Variants in SIM1 observed in about 807,000 individuals in gnomAD.
SIM1 encodes SIM bHLH transcription factor 1.
SIM1 carries 18 observed loss-of-function variants against 78.2 expected under a neutral mutation model. The ratio of observed to expected loss-of-function variants is 0.23; its 90% CI spans 0.16 to 0.34. The LOEUF is 0.34. Among genes scored for constraint, SIM1 ranks in the 10% least tolerant of loss-of-function variants. SIM1 has a pLI of 1.00. For synonymous variants in SIM1, 417 were observed against 385.2 expected (o/e 1.08, Z -0.97); for missense variants, 939 against 975.1 (o/e 0.96, Z 0.49).
At chr6:100,410,478 C>A (rs930280612) in intron 10 of SIM1, among the ~76,000 whole-genome samples, 1 of 152,156 alleles carries the variant, frequency 6.6e-6, no homozygotes, top group African/African-American at 2.4e-5. Context: ...ACATGCTGAA[C>A]ATAAATTATG....
rs78128642 is a variant in SIM1, at chr6:100,435,798, T to C, written c.998+11470A>G. On this transcript the variant is annotated intron_variant, in intron 9 of 11. Transcript: ENST00000369208. ...TCCTATCAGAACTCAAACCCCAAAA[T>C]TTTGAAAAATCCCATCTGCAGCAGG... 2.6e-5 allele frequency among the ~76,000 whole-genome samples: 4 copies of C among 152,134 alleles called. No individual in the cohort carries two copies. The East Asian group carries it at 7.7e-4, about 29-fold the overall frequency.
chr6:100,420,100 C>G (rs80037343), intron 10 of SIM1, among the ~76,000 whole-genome samples: 136 of 152,262 alleles, frequency 8.9e-4, no homozygotes, highest in African/African-American at 3.1e-3. Context: ...TTCCTTCAGG[C>G]CAGGAGAGCT....
At chr6:100,418,347 A>G (rs1206674248) in intron 10 of SIM1, among the ~76,000 whole-genome samples, 1 of 130,850 alleles carries the variant, frequency 7.6e-6, no homozygotes, top group Non-Finnish European at 1.6e-5. Flanking sequence ...GCAGACTGAG[A>G]CCCTGTCTCC....
intron 10 of SIM1, among the ~76,000 whole-genome samples, chr6:100,418,090 G>T (rs1771452155): frequency 6.6e-6 from 1 of 152,112 alleles, no homozygotes; most frequent in Non-Finnish European, 1.5e-5. Context: ...AATGAAAAAT[G>T]GGCACTTGGG....
At chr6:100,412,742 AG>A (rs1340156406) in intron 10 of SIM1, among the ~76,000 whole-genome samples, 2,255 of 141,706 alleles carry the variant, frequency 0.016, 40 homozygotes, top group Middle Eastern at 0.034. Context: ...AAAGAAAGAA[AG>A]AAAGAAAGAA....
chr6:100,427,741 G>GCCTT (rs1375356571), intron 9 of SIM1, among the ~76,000 whole-genome samples: 10 of 152,050 alleles, frequency 6.6e-5, no homozygotes, highest in Non-Finnish European at 1.5e-4. Flanking sequence ...ACCCCTCCAG[G>GCCTT]CCACAGTGAT....
intron 11 of SIM1, 136 bp downstream of exon 11, chr6:100,393,351 T>G: frequency 1.3e-6 from 1 of 763,128 alleles, no homozygotes; most frequent in Non-Finnish European, 1.9e-6. Flanking sequence ...TGAGTGAACT[T>G]TGTTTTTAAT....
Position 100,442,067 on chromosome 6 carries a change from A to G in SIM1, c.998+5201T>C, listed in dbSNP as rs572615710. ...CTCAGTTTCCACACCTAAAAATACA[A>G]AAAGCAATCTCCGACCCAACCACTG... On this transcript the variant is annotated intron_variant, in intron 9 of 11. Coordinates refer to ENST00000369208, the MANE Select transcript of SIM1 (RefSeq NM_005068.3). Among the ~76,000 whole-genome samples, 114 of 152,318 alleles carry G rather than the reference A, an allele frequency of 7.5e-4. 1 individual carries two copies. The highest frequency in any genetic ancestry group is 2.6e-3 in the African/African-American group (108 of 41,576).
intron 2 of SIM1, among the ~76,000 whole-genome samples, chr6:100,457,996 GTCTCTC>G (rs1270878905): frequency 2.8e-5 from 3 of 107,728 alleles, no homozygotes; most frequent in African/African-American, 1.0e-4. Flanking sequence ...ACCGCTGTCT[GTCTCTC>G]TCTTTCTCTC....
chr6:100,405,738 C>CA (rs1404274635), intron 10 of SIM1, among the ~76,000 whole-genome samples: 7 of 152,018 alleles, frequency 4.6e-5, no homozygotes, highest in Admixed American at 1.3e-4. Context: ...CCCCACCCCC[C>CA]AAAAAAAGTT....
Position 100,448,469 on chromosome 6 carries a change from G to C in SIM1, c.743+10C>G, listed in dbSNP as rs886060897. The C allele has an allele frequency of 6.2e-7, 1 of 1,612,782 alleles. No individual in the cohort carries two copies. The highest frequency in any genetic ancestry group is 8.5e-7 in the Non-Finnish European group (1 of 1,179,516). On this transcript the variant is annotated intron_variant, in intron 7 of 11. Transcript: ENST00000369208. ...GCTAGGAGAGGCCCTTTCCGGCCCTGCCCACCCACCTGGAGTCCAGAAAGA... is the reference window on the plus strand; with the variant it reads ...GCTAGGAGAGGCCCTTTCCGGCCCTCCCCACCCACCTGGAGTCCAGAAAGA...
intron 10 of SIM1, among the ~76,000 whole-genome samples, chr6:100,420,141 A>G (rs1771534301): frequency 6.6e-6 from 1 of 152,146 alleles, no homozygotes; most frequent in Non-Finnish European, 1.5e-5. Flanking sequence ...TCTAGTTTAT[A>G]TGTCTGTGAC....
At chr6:100,418,336 A>G (rs879355794) in intron 10 of SIM1, among the ~76,000 whole-genome samples, 1 of 147,596 alleles carries the variant, frequency 6.8e-6, no homozygotes, top group African/African-American at 2.5e-5. Flanking sequence ...CAGCCTGGGC[A>G]GCAGACTGAG....
At chr6:100,437,807 C>T (rs1221750804) in intron 9 of SIM1, among the ~76,000 whole-genome samples, 1 of 152,026 alleles carries the variant, frequency 6.6e-6, no homozygotes, top group Non-Finnish European at 1.5e-5. Flanking sequence ...ATACAAAGAG[C>T]ACAAAGCTTG....
At chr6:100,412,000 C>T (rs1771202772) in intron 10 of SIM1, among the ~76,000 whole-genome samples, 1 of 151,958 alleles carries the variant, frequency 6.6e-6, no homozygotes, top group Non-Finnish European at 1.5e-5. Flanking sequence ...AGAGAGAATG[C>T]GGGGAAGGTT....
chr6:100,390,621 C>A lies in SIM1; in HGVS notation c.2041G>T (p.Asp681Tyr), dbSNP rs909247348. Residue 681 changes from aspartate to tyrosine, a missense_variant, in exon 12 of 12, where the codon GAT becomes TAT. Physicochemically the swap from Asp to Tyr is radical, Grantham distance 160. Around this residue, in one of 5 missense-constraint regions of SIM1, gnomAD observed 556 missense variants for 521.9 expected, o/e 1.07. Coordinates refer to ENST00000369208, the MANE Select transcript of SIM1 (RefSeq NM_005068.3). ...LILAKDYLHS[D>Y]ISPHQTAGDH... ...CCTGCTGTCTGATGAGGAGATATAT[C>A]CGAATGCAGATAGTCTTTAGCTAGG... 1.2e-6 allele frequency: 2 copies of A among 1,614,128 alleles called. No homozygotes were observed. The highest frequency in any genetic ancestry group is 1.7e-6 in the Non-Finnish European group (2 of 1,180,024).
intron 9 of SIM1, among the ~76,000 whole-genome samples, chr6:100,429,691 TA>T (rs1232959616): frequency 6.6e-6 from 1 of 152,200 alleles, no homozygotes; most frequent in Non-Finnish European, 1.5e-5. Context: ...TGCATTACCT[TA>T]ATTTTTTCTC....
chr6:100,451,623 T>G (rs1772514823), intron 3 of SIM1, among the ~76,000 whole-genome samples: 1 of 152,088 alleles, frequency 6.6e-6, no homozygotes, highest in Admixed American at 6.6e-5. Context: ...GCAGCAGAGA[T>G]GGTCAAGCCT....
intron 2 of SIM1, among the ~76,000 whole-genome samples, chr6:100,458,669 C>A (rs1258140224): frequency 6.6e-6 from 1 of 152,154 alleles, no homozygotes; most frequent in Non-Finnish European, 1.5e-5. Context: ...TGGGACACAC[C>A]GCGCAGACCT....
Sources: allele counts gnomAD v4.1 joint callset (sites outside exome capture counted in the v4.1 genomes callset), GRCh38; gene constraint gnomAD v4.1.1; regional missense constraint gnomAD v4.1.1; transcripts MANE v1.5; gene names NCBI Gene and HGNC (gene_info 2026-07-23, HGNC 2026-07-21).